The following DDHD2 variants were observed in gnomAD, a reference collection of about 807,000 sequenced individuals.
DDHD2 encodes DDHD domain containing 2, also known as triacylglycerol hydrolase DDHD2.
A neutral mutation model predicts 91.2 loss-of-function variants in DDHD2; 62 were observed. The observed-to-expected ratio is 0.68, with a 90% confidence interval of 0.55 to 0.84. DDHD2 has a LOEUF of 0.84. Ranked by LOEUF, DDHD2 falls within the 40% of genes least tolerant of loss-of-function variation. The probability of loss-of-function intolerance (pLI) is 0.00; values close to 1 mark genes in which losing one functional copy is unlikely to be tolerated. For synonymous variants in DDHD2, 271 were observed against 293.9 expected (o/e 0.92, Z 0.80); for missense variants, 740 against 846.9 (o/e 0.87, Z 1.57).
chr8:38,269,251 A>AGGGCC (rs1171312237), intron 1 of DDHD2: 52 of 1,390,810 alleles, frequency 3.7e-5, no homozygotes, highest in African/African-American at 4.6e-5. Context: ...CTCCGCGGGG[A>AGGGCC]GGGCCGGGCC....
At chr8:38,269,256 C>T (rs987495019) in intron 1 of DDHD2, 7 of 1,382,756 alleles carry the variant, frequency 5.1e-6, no homozygotes, top group African/African-American at 3.0e-5. Flanking sequence ...CGGGGAGGGC[C>T]GGGCCGGGAA....
chr8:38,267,583 C>T (rs769774677), downstream of DDHD2: 12 of 690,158 alleles, frequency 1.7e-5, no homozygotes, highest in Non-Finnish European at 2.8e-5. Context: ...AGGGGAAAAA[C>T]GCCCATTCCA....
chr8:38,236,418 G>A (rs1333768196), intron 3 of DDHD2, among the ~76,000 whole-genome samples: 1 of 151,420 alleles, frequency 6.6e-6, no homozygotes, highest in Non-Finnish European at 1.5e-5. Context: ...CCAGTGGTGC[G>A]ATCTCGGCTC....
At chr8:38,267,462 T>TTAA, downstream of DDHD2, 2 of 1,569,108 alleles carry the variant, frequency 1.3e-6, no homozygotes, top group South Asian at 2.3e-5. Context: ...GTAGCAGACA[T>TTAA]TAATAATCCT....
intron 6 of DDHD2, among the ~76,000 whole-genome samples, chr8:38,241,673 C>T (rs1421537511): frequency 6.6e-6 from 1 of 150,828 alleles, no homozygotes; most frequent in Non-Finnish European, 1.5e-5. Flanking sequence ...CCTGCCTTGG[C>T]CCCCCAAAGT....
downstream of DDHD2, chr8:38,272,337 CT>C (rs1188992737): frequency 6.6e-6 from 1 of 152,182 alleles, no homozygotes; most frequent in Non-Finnish European, 1.5e-5. Context: ...AGAGTGGGAA[CT>C]TGTTAAAACA....
At chr8:38,266,114 C>CT, downstream of DDHD2, 1 of 1,604,538 alleles carries the variant, frequency 6.2e-7, no homozygotes, top group Non-Finnish European at 8.5e-7. Context: ...AATATGCAAG[C>CT]TTCCATAGCC....
rs111545701 is a variant in DDHD2, at chr8:38,235,111, A to G, written c.411+527A>G. On this transcript the variant is annotated intron_variant, in intron 3 of 17. Coordinates refer to ENST00000397166, the MANE Select transcript of DDHD2 (RefSeq NM_015214.3). ...GTGTTTAGCCAAGTAGGAACTGTTC[A>G]TTCATGTGTTTCATAACATTATTTA... Among the ~76,000 whole-genome samples, 547 of 152,304 alleles carry G rather than the reference A, an allele frequency of 3.6e-3. 6 individuals are homozygous for G. The highest frequency in any genetic ancestry group is 0.012 in the African/African-American group (514 of 41,574).
At chr8:38,233,927 C>CA (rs201616340) in intron 2 of DDHD2, among the ~76,000 whole-genome samples, 29,991 of 121,368 alleles carry the variant, frequency 0.25, 3,294 homozygotes, top group East Asian at 0.34. Flanking sequence ...AGACTTGTCT[C>CA]AAAAAAAAAA....
downstream of DDHD2, chr8:38,267,759 T>C (rs1408690800): frequency 7.6e-6 from 7 of 923,212 alleles, no homozygotes; most frequent in African/African-American, 6.6e-5. Flanking sequence ...GGAGTAAGCG[T>C]TGAATGACAA....
chr8:38,259,976 T>C, intron 16 of DDHD2, 64 bp from the exon 17 acceptor site: 3 of 1,022,776 alleles, frequency 2.9e-6, no homozygotes, highest in Non-Finnish European at 4.6e-6. Context: ...AATGAGATAA[T>C]ATATGTAAAA....
chr8:38,237,105 G>C (rs111950782), intron 3 of DDHD2, among the ~76,000 whole-genome samples: 1,575 of 152,216 alleles, frequency 0.01, 30 homozygotes, highest in African/African-American at 0.035. Context: ...GCTGGGTGCT[G>C]TGGCTCATGC....
intron 11 of DDHD2, 198 bp downstream of exon 11, chr8:38,250,001 C>G (rs1805985991): frequency 1.1e-5 from 3 of 273,144 alleles, no homozygotes; most frequent in Non-Finnish European, 2.1e-5. Flanking sequence ...ATTGCAACCT[C>G]TGCCTCCCGG....
chr8:38,249,671 G>A (rs538198639), intron 10 of DDHD2, 37 bp from the exon 11 acceptor site: 4 of 1,479,850 alleles, frequency 2.7e-6, no homozygotes, highest in Admixed American at 1.8e-5. Flanking sequence ...ATTTTATTTT[G>A]TCTAGAAATA....
At chr8:38,257,614 A>G (rs563128015) in intron 16 of DDHD2, among the ~76,000 whole-genome samples, 1 of 150,400 alleles carries the variant, frequency 6.6e-6, no homozygotes, top group East Asian at 2.0e-4. Context: ...AATTTGTGTC[A>G]TACTCAGAAA....
At chr8:38,239,725 A>G (rs1215156600) in intron 5 of DDHD2, among the ~76,000 whole-genome samples, 1 of 141,296 alleles carries the variant, frequency 7.1e-6, no homozygotes, top group Admixed American at 7.0e-5. Flanking sequence ...AAAAAAAAAA[A>G]GAGTTTTTTT....
chr8:38,252,188 A>T lies in DDHD2; in HGVS notation c.1518A>T (p.Gly506=), dbSNP rs772327460. ...IYKPEIFFAF[G]SPIGMFLTVR... is the part of the protein sequence containing the mutation. ...AACCAGAGATATTCTTTGCCTTTGG[A>T]TCTCCCATTGGAATGTTCCTTACTG... The change falls in exon 13 of 18, where the codon GGA becomes GGT. Residue 506 remains glycine (G), a synonymous_variant. Coordinates refer to ENST00000397166, the MANE Select transcript of DDHD2 (RefSeq NM_015214.3). The T allele has an allele frequency of 5.0e-6, 8 of 1,614,138 alleles. No individual in the cohort carries two copies. In the Admixed American group the frequency reaches 1.3e-4, roughly 27 times the overall value.
At chr8:38,236,619 G>A (rs1208459642) in intron 3 of DDHD2, among the ~76,000 whole-genome samples, 4 of 151,672 alleles carry the variant, frequency 2.6e-5, no homozygotes, top group African/African-American at 2.4e-5. Context: ...GGGTTCAAGC[G>A]ATTCTCCTGC....
chr8:38,237,235 A>C (rs1054068272), intron 3 of DDHD2, among the ~76,000 whole-genome samples: 2 of 151,850 alleles, frequency 1.3e-5, no homozygotes, highest in African/African-American at 4.8e-5. Flanking sequence ...AGTTAGCCGA[A>C]TGTGGTGGCG....
Sources: allele counts gnomAD v4.1 joint callset (sites outside exome capture counted in the v4.1 genomes callset), GRCh38; gene constraint gnomAD v4.1.1; transcripts MANE v1.5; gene names NCBI Gene and HGNC (gene_info 2026-07-23, HGNC 2026-07-21).